The following ADAMTS3 variants were observed in gnomAD, a reference collection of about 807,000 sequenced individuals.
ADAMTS3 encodes the protein A disintegrin and metalloproteinase with thrombospondin motifs 3.
A neutral mutation model predicts 129.0 loss-of-function variants in ADAMTS3; 73 were observed. That is an observed-to-expected ratio of 0.57 (90% confidence interval 0.47 to 0.69). The LOEUF is 0.69. Ranked by LOEUF, ADAMTS3 falls within the 30% of genes least tolerant of loss-of-function variation. The pLI is 0.00. For missense variants in ADAMTS3, 1,457 were observed against 1,514.5 expected (o/e 0.96, Z 0.63); for synonymous variants, 477 against 510.8 (o/e 0.93, Z 0.89).
chr4:72,290,860 T>C lies in ADAMTS3; in HGVS notation c.2926A>G (p.Ser976Gly). ...CPAQWKTGPWSECSVTCGEGT... is the reference protein window; with the variant it reads ...CPAQWKTGPWGECSVTCGEGT... ...CACGGAATTCACACACCTACCTCAC[T>C]CCAGGGTCCTGTTTTCCACTGTGCA... Residue 976 changes from serine (S) to glycine (G), a missense_variant, in exon 20 of 22, where the codon AGT becomes GGT. Ser to Gly is a moderately conservative substitution (Grantham distance 56). Transcript: ENST00000286657. 6.2e-7 allele frequency: 1 copy of C among 1,613,758 alleles called. No homozygotes were observed. The highest frequency in any genetic ancestry group is 8.5e-7 in the Non-Finnish European group (1 of 1,179,826).
At chr4:72,525,432 G>A (rs575301266) in intron 3 of ADAMTS3, among the ~76,000 whole-genome samples, 47 of 152,256 alleles carry the variant, frequency 3.1e-4, no homozygotes, top group Admixed American at 9.2e-4. Context: ...AAACAAGCTA[G>A]TATATAGCAT....
At chr4:72,494,210 A>G (rs1192887363) in intron 3 of ADAMTS3, among the ~76,000 whole-genome samples, 1 of 152,014 alleles carries the variant, frequency 6.6e-6, no homozygotes, top group Admixed American at 6.6e-5. Flanking sequence ...CTCAAAATGC[A>G]TATTTTAGTT....
chr4:72,342,166 T>A (rs1321174031), intron 4 of ADAMTS3, among the ~76,000 whole-genome samples: 1 of 152,058 alleles, frequency 6.6e-6, no homozygotes, highest in Non-Finnish European at 1.5e-5. Context: ...TTGAGAGGAG[T>A]TTATTTTATA....
intron 4 of ADAMTS3, among the ~76,000 whole-genome samples, chr4:72,375,268 C>T (rs1449828046): frequency 6.6e-6 from 1 of 152,162 alleles, no homozygotes; most frequent in Non-Finnish European, 1.5e-5. Flanking sequence ...GCAAGCCAGA[C>T]TTTACCACAA....
At chr4:72,508,480 T>C (rs1044443393) in intron 3 of ADAMTS3, among the ~76,000 whole-genome samples, 8 of 152,062 alleles carry the variant, frequency 5.3e-5, no homozygotes, top group African/African-American at 1.9e-4. Context: ...TTTAAATGAG[T>C]TTCTGATTTA....
At position 72,527,670 on chromosome 4, in the gene ADAMTS3, G is replaced by A. The variant is rs564640459; in HGVS notation, c.504+20808C>T. Among the ~76,000 whole-genome samples, 24 of 152,238 alleles carry A rather than the reference G, an allele frequency of 1.6e-4. No homozygotes were observed. In the South Asian group the frequency reaches 4.4e-3, roughly 28 times the overall value. On this transcript the variant is annotated intron_variant, in intron 3 of 21. Transcript: ENST00000286657. ...AAAGTTAGAAAAAACAATACTTGTC[G>A]AAAAGAAGTCCAACAATCCAGAAAC... is the stretch of plus-strand genomic sequence containing the variant.
At chr4:72,349,983 T>A (rs1720385985) in intron 4 of ADAMTS3, among the ~76,000 whole-genome samples, 1 of 152,032 alleles carries the variant, frequency 6.6e-6, no homozygotes, top group South Asian at 2.1e-4. Context: ...GCCACAGTAA[T>A]TATTGCAGAT....
intron 4 of ADAMTS3, among the ~76,000 whole-genome samples, chr4:72,403,067 C>CT: frequency 1.3e-5 from 2 of 152,008 alleles, no homozygotes. Flanking sequence ...TCAAAGTGTT[C>CT]TTTAAGCTTT....
At chr4:72,410,180 A>C (rs1722151624) in intron 4 of ADAMTS3, among the ~76,000 whole-genome samples, 1 of 152,188 alleles carries the variant, frequency 6.6e-6, no homozygotes, top group African/African-American at 2.4e-5. Context: ...GATTCAAGGA[A>C]GGGCTCTGGG....
At chr4:72,402,034 A>G (rs1721938530) in intron 4 of ADAMTS3, among the ~76,000 whole-genome samples, 1 of 152,226 alleles carries the variant, frequency 6.6e-6, no homozygotes, top group Non-Finnish European at 1.5e-5. Flanking sequence ...AAGGTAATAT[A>G]TCACTATGTG....
In ADAMTS3 at chr4:72,512,084, TAG is replaced by T. The variant is rs558653483; in HGVS notation, c.504+36392_504+36393del. ...ATCAAAACAATTGAACTCATAGATGTAGAGAGTAGAAGGATGGTTACCAGAGG... is the reference window on the plus strand; with the variant it reads ...ATCAAAACAATTGAACTCATAGATGTAGAGTAGAAGGATGGTTACCAGAGG... On this transcript the variant is annotated intron_variant, in intron 3 of 21. Transcript: ENST00000286657. Among the ~76,000 whole-genome samples the T allele has an allele frequency of 5.1e-3, 774 of 152,122 alleles. 3 individuals carry two copies. The highest frequency in any genetic ancestry group is 0.034 in the Middle Eastern group (10 of 294).
In ADAMTS3 at chr4:72,392,752, C is replaced by G. The variant is rs762929780; in HGVS notation, c.661+22063G>C. Among the ~76,000 whole-genome samples the G allele has an allele frequency of 2.6e-5, 4 of 152,178 alleles. No individual in the cohort carries two copies. In the East Asian group the frequency reaches 7.7e-4, roughly 29 times the overall value. ...GGAATATAAATTTTTTCACTGACTT[C>G]TTTGCCTAAAACAAATTTTTTTCAC... On this transcript the variant is annotated intron_variant, in intron 4 of 21. Coordinates refer to ENST00000286657, the MANE Select transcript of ADAMTS3 (RefSeq NM_014243.3).
At chr4:72,362,475 A>G (rs755983755) in intron 4 of ADAMTS3, among the ~76,000 whole-genome samples, 47 of 152,194 alleles carry the variant, frequency 3.1e-4, no homozygotes, top group Non-Finnish European at 5.3e-4. Flanking sequence ...AGATATTACG[A>G]AAGAATACAA....
intron 6 of ADAMTS3, among the ~76,000 whole-genome samples, chr4:72,321,941 G>A (rs917561168): frequency 6.6e-6 from 1 of 152,046 alleles, no homozygotes; most frequent in African/African-American, 2.4e-5. Context: ...GAACTCACTA[G>A]CCACACTTCT....
Position 72,530,741 on chromosome 4 carries a change from T to C in ADAMTS3, c.504+17737A>G, listed in dbSNP as rs1356724349. On this transcript the variant is annotated intron_variant, in intron 3 of 21. Transcript: ENST00000286657. ...ATAATATTATACATTATATATTATA[T>C]ATATTATATATTATATATTATATAG... Among the ~76,000 whole-genome samples, 198 of 27,018 alleles carry C rather than the reference T, an allele frequency of 7.3e-3. 5 individuals are homozygous for C. The highest frequency in any genetic ancestry group is 0.024 in the African/African-American group (120 of 5,028). 17.7% of individuals were successfully genotyped at this position (27,018 alleles called of 152,430 possible). A position where few individuals can be genotyped will look rare whatever the true frequency, so the allele number is the denominator to read the frequency against.
intron 3 of ADAMTS3, among the ~76,000 whole-genome samples, chr4:72,486,446 C>A (rs1359974425): frequency 1.3e-5 from 2 of 152,162 alleles, no homozygotes; most frequent in Non-Finnish European, 1.5e-5. Context: ...TTATTTGAAT[C>A]ATAGGTTCTA....
At chr4:72,430,487 C>G (rs1374739901) in intron 3 of ADAMTS3, among the ~76,000 whole-genome samples, 2 of 151,972 alleles carry the variant, frequency 1.3e-5, no homozygotes, top group Non-Finnish European at 2.9e-5. Flanking sequence ...AGAGAGCCCC[C>G]ACACTCAGCC....
intron 3 of ADAMTS3, among the ~76,000 whole-genome samples, chr4:72,546,363 C>T (rs1448977323): frequency 6.6e-6 from 1 of 151,982 alleles, no homozygotes; most frequent in Non-Finnish European, 1.5e-5. Context: ...GTGTTTTGAC[C>T]AGACCTTTCC....
intron 3 of ADAMTS3, among the ~76,000 whole-genome samples, chr4:72,518,804 G>A (rs1720572448): frequency 6.7e-6 from 1 of 149,840 alleles, no homozygotes; most frequent in Admixed American, 6.6e-5. Flanking sequence ...TTGCCAGTCT[G>A]TGTCTTTTAA....
Sources: allele counts gnomAD v4.1 joint callset (sites outside exome capture counted in the v4.1 genomes callset), GRCh38; gene constraint gnomAD v4.1.1; transcripts MANE v1.5; gene names NCBI Gene and HGNC (gene_info 2026-07-23, HGNC 2026-07-21).